TLN2: variants seen among roughly 807,000 people sequenced by gnomAD.
The protein encoded by TLN2 is talin 2, also known as talin-2.
In TLN2, 118 loss-of-function variants were observed where a neutral mutation model predicts 294.7. The ratio of observed to expected loss-of-function variants is 0.40; its 90% confidence interval spans 0.34 to 0.47. TLN2 has a LOEUF of 0.47. Ranked by LOEUF, TLN2 falls within the 20% of genes least tolerant of loss-of-function variation. TLN2 has a pLI of 0.84. For missense variants in TLN2, 3,083 were observed against 3,282.2 expected (o/e 0.94, Z 1.48); for synonymous variants, 1,431 against 1,304.5 (o/e 1.10, Z -2.09).
rs1270303616 is a variant in TLN2, at chr15:62,533,630, G to T, written c.-237-56057G>T. 2.0e-5 allele frequency among the ~76,000 whole-genome samples: 3 copies of T among 152,116 alleles called. No homozygotes were observed. In the East Asian group the frequency reaches 5.8e-4, roughly 29 times the overall value. ...TGTATTTTTCTTTCTCATCTCATGG[G>T]TTACTTAAAGAAGTGAAATTTACCC... On this transcript the variant is annotated intron_variant, in intron 1 of 58. Transcript: ENST00000636159.
chr15:62,491,589 T>C (rs999056337), intron 1 of TLN2, among the ~76,000 whole-genome samples: 1 of 152,152 alleles, frequency 6.6e-6, no homozygotes, highest in African/African-American at 2.4e-5. Flanking sequence ...TGTTTGTCCT[T>C]TGTCCACAAG....
intron 11 of TLN2, among the ~76,000 whole-genome samples, chr15:62,676,518 T>C (rs1353284891): frequency 6.6e-6 from 1 of 152,206 alleles, no homozygotes; most frequent in Admixed American, 6.5e-5. Flanking sequence ...CACTTACCAA[T>C]ATTAATAATA....
intron 1 of TLN2, among the ~76,000 whole-genome samples, chr15:62,455,259 A>G (rs147945151): frequency 1.3e-5 from 2 of 152,006 alleles, no homozygotes; most frequent in Admixed American, 1.3e-4. Flanking sequence ...CCAGGTGAGG[A>G]GAGAGGTGCT....
chr15:62,428,470 G>A (rs947148923), intron 1 of TLN2, among the ~76,000 whole-genome samples: 1 of 152,256 alleles, frequency 6.6e-6, no homozygotes, highest in African/African-American at 2.4e-5. Context: ...AACAGTAGGA[G>A]CAGGATTGTA....
At chr15:62,404,555 C>T (rs1263379525) in intron 1 of TLN2, among the ~76,000 whole-genome samples, 1 of 152,138 alleles carries the variant, frequency 6.6e-6, no homozygotes, top group Non-Finnish European at 1.5e-5. Context: ...CATTCTCGTC[C>T]TGTGTTTAAA....
chr15:62,840,791 C>T lies in TLN2; in HGVS notation c.*181C>T, dbSNP rs891415051. The stretch of plus-strand genomic sequence containing the variant: ...GGCACTGGCTGCATGATCGTGATGT[C>T]ACACGGTACAATGTCCTACCCACAA... On this transcript the variant is annotated 3_prime_UTR_variant, in exon 59 of 59. Coordinates refer to ENST00000636159, the MANE Select transcript of TLN2 (RefSeq NM_015059.3). The T allele has an allele frequency of 1.2e-5, 10 of 811,584 alleles. No homozygotes were observed. The East Asian group carries it at 1.9e-4, about 16-fold the overall frequency. 50.3% of individuals were successfully genotyped at this position (811,584 alleles called of 1,614,324 possible). A position where few individuals can be genotyped will look rare whatever the true frequency, so the allele number is the denominator to read the frequency against.
chr15:62,657,881 CA>C lies in TLN2; in HGVS notation c.774del (p.Lys258AsnfsTer5). 1 of 1,612,684 alleles carries C rather than the reference CA, an allele frequency of 6.2e-7. No homozygotes were observed. The highest frequency in any genetic ancestry group is 1.1e-5 in the South Asian group (1 of 90,558). On this transcript the variant is annotated frameshift_variant, in exon 9 of 59. Coordinates refer to ENST00000636159, the MANE Select transcript of TLN2 (RefSeq NM_015059.3). LOFTEE classifies it high-confidence loss of function. ...TTGGACCTCATGTGGAACATAAACACAAACCTGGATTTTTAGAGTAAATGAC... is the reference window on the plus strand; with the variant it reads ...TTGGACCTCATGTGGAACATAAACACAACCTGGATTTTTAGAGTAAATGAC... ...QFGPHVEHKH[K>X]PGFLDLKEFL...
Position 62,558,984 on chromosome 15 carries a change from T to A in TLN2, c.-237-30703T>A, listed in dbSNP as rs774887666. Among the ~76,000 whole-genome samples the A allele has an allele frequency of 3.3e-5, 5 of 152,232 alleles. No individual in the cohort carries two copies. The South Asian group carries it at 1.0e-3, about 32-fold the overall frequency. ...GAAGCTTTCCTGCATTTGCTTCTTC[T>A]TAATTGTCTTCAGCCCAATAATCCT... On this transcript the variant is annotated intron_variant, in intron 1 of 58. Coordinates refer to ENST00000636159, the MANE Select transcript of TLN2 (RefSeq NM_015059.3).
chr15:62,726,985 AG>A, intron 27 of TLN2, 101 bp from the exon 28 acceptor site: 1 of 1,200,352 alleles, frequency 8.3e-7, no homozygotes, highest in Non-Finnish European at 1.2e-6. Flanking sequence ...GGAAAGAGCT[AG>A]GGCTCAAAGT....
intron 1 of TLN2, among the ~76,000 whole-genome samples, chr15:62,465,412 A>G (rs893722026): frequency 1.3e-5 from 2 of 152,068 alleles, no homozygotes; most frequent in South Asian, 4.1e-4. Flanking sequence ...AATTGTATGG[A>G]GGCAGTGAAA....
chr15:62,691,794 T>G (rs2057938687), intron 12 of TLN2, among the ~76,000 whole-genome samples: 1 of 151,798 alleles, frequency 6.6e-6, no homozygotes, highest in Non-Finnish European at 1.5e-5. Context: ...CTCAGCCTCT[T>G]GAGGAGCTGG....
chr15:62,416,589 T>A (rs2140263870), intron 1 of TLN2, among the ~76,000 whole-genome samples: 1 of 152,318 alleles, frequency 6.6e-6, no homozygotes, highest in South Asian at 2.1e-4. Context: ...TGGAGTCAGG[T>A]GACAGCTGAA....
intron 44 of TLN2, among the ~76,000 whole-genome samples, chr15:62,782,528 T>C (rs2064267637): frequency 6.6e-6 from 1 of 152,188 alleles, no homozygotes; most frequent in Non-Finnish European, 1.5e-5. Context: ...GTCCATGAGC[T>C]TAAGGAGCTG....
At chr15:62,840,443 A>C (rs374575886) in intron 58 of TLN2, 39 bp from the exon 59 acceptor site, 119 of 1,609,884 alleles carry the variant, frequency 7.4e-5, no homozygotes, top group Non-Finnish European at 9.6e-5. Context: ...GGTTTTCTAC[A>C]AAGTGTTAGG....
chr15:62,744,608 G>A (rs781513365), intron 32 of TLN2, among the ~76,000 whole-genome samples: 6 of 151,778 alleles, frequency 4.0e-5, no homozygotes, highest in Non-Finnish European at 5.9e-5. Flanking sequence ...GTGCAGAGGC[G>A]CGATCTCGGC....
At position 62,800,780 on chromosome 15, in the gene TLN2, A is replaced by G. The variant is rs1426621136; in HGVS notation, c.6477+11A>G. ...AAGCAGGAGCTTACGGTAAGGAGCC[A>G]GCAGTTACCTCCCTTGGGTACCAGA... On this transcript the variant is annotated intron_variant, in intron 50 of 58. Coordinates refer to ENST00000636159, the MANE Select transcript of TLN2 (RefSeq NM_015059.3). 2 of 1,604,106 alleles carry G rather than the reference A, an allele frequency of 1.2e-6. No individual in the cohort carries two copies. The highest frequency in any genetic ancestry group is 1.7e-5 in the Admixed American group (1 of 58,762).
intron 55 of TLN2, 163 bp downstream of exon 55, chr15:62,833,792 T>G (rs7167535): frequency 0.77 from 767,048 of 991,178 alleles, 303,454 homozygotes; most frequent in Non-Finnish European, 0.82. Flanking sequence ...ACTACAGCCT[T>G]CAGACCAACA....
chr15:62,727,179 A>G lies in TLN2; in HGVS notation c.3348A>G (p.Glu1116=). The G allele has an allele frequency of 6.2e-7, 1 of 1,614,116 alleles. No individual in the cohort carries two copies. Residue 1116 remains glutamate (E), a synonymous_variant, in exon 28 of 59, where the codon GAA becomes GAG. Coordinates refer to ENST00000636159, the MANE Select transcript of TLN2 (RefSeq NM_015059.3). ...TGACCTGTGCTGCTCAAGGCAACGA[A>G]CACTACACAGGTGAGACCCACGCCC... is the stretch of plus-strand genomic sequence containing the variant. ...QLLTCAAQGN[E]HYTGVAARET... is the part of the protein sequence containing the mutation.
At chr15:62,654,091 A>C (rs1182883055) in intron 7 of TLN2, among the ~76,000 whole-genome samples, 1 of 152,222 alleles carries the variant, frequency 6.6e-6, no homozygotes, top group African/African-American at 2.4e-5. Flanking sequence ...ATCTATTATT[A>C]GCATTTTTGA....
Sources: allele counts gnomAD v4.1 joint callset (sites outside exome capture counted in the v4.1 genomes callset), GRCh38; gene constraint gnomAD v4.1.1; transcripts MANE v1.5; gene names NCBI Gene and HGNC (gene_info 2026-07-23, HGNC 2026-07-21).